Variants in DNAH5 observed in about 807,000 individuals in gnomAD.
DNAH5 encodes dynein axonemal heavy chain 5.
In DNAH5, 372 loss-of-function variants were observed where a neutral mutation model predicts 518.2. That is an observed-to-expected ratio of 0.72 (90% CI 0.66 to 0.78). The LOEUF is 0.78. DNAH5 is among the 30% of genes least tolerant of loss of function. The pLI is 0.00. For missense variants in DNAH5, 5,523 were observed against 5,687.0 expected (o/e 0.97, Z 0.93); for synonymous variants, 2,039 against 2,025.9 (o/e 1.01, Z -0.17).
chr5:13,954,740 C>T (rs931877205), intron 1 of DNAH5, among the ~76,000 whole-genome samples: 6 of 152,174 alleles, frequency 3.9e-5, no homozygotes, highest in African/African-American at 1.4e-4. Flanking sequence ...CAGTGTTTCC[C>T]CGTTGCCCAT....
At chr5:13,915,900 A>C (rs1382711908) in intron 9 of DNAH5, among the ~76,000 whole-genome samples, 1 of 152,148 alleles carries the variant, frequency 6.6e-6, no homozygotes, top group Non-Finnish European at 1.5e-5. Context: ...AGAACATTGC[A>C]AGTGGCTTTT....
At position 13,781,780 on chromosome 5, in the gene DNAH5, G is replaced by A. The variant is rs370769726; in HGVS notation, c.8821-821C>T. On this transcript the variant is annotated intron_variant, in intron 52 of 78. Transcript: ENST00000265104. ...TTGGGTATGTCTTTATCAGCAGCAT[G>A]AAAACGAACTAATACATATGGTATA... is the stretch of plus-strand genomic sequence containing the variant. Among the ~76,000 whole-genome samples, 16 of 152,134 alleles carry A rather than the reference G, an allele frequency of 1.1e-4. No individual in the cohort carries two copies. In the South Asian group the frequency reaches 2.1e-3, roughly 20 times the overall value.
chr5:13,828,929 G>A (rs929576754), intron 38 of DNAH5, among the ~76,000 whole-genome samples: 2 of 152,176 alleles, frequency 1.3e-5, no homozygotes, highest in Non-Finnish European at 2.9e-5. Context: ...AGTAATAAAT[G>A]TACGTTGTTA....
intron 78 of DNAH5, 101 bp from the exon 79 acceptor site, chr5:13,692,236 A>T: frequency 7.4e-7 from 1 of 1,350,108 alleles, no homozygotes; most frequent in Non-Finnish European, 1.0e-6. Flanking sequence ...CATTTCAAAA[A>T]CAGATGGGTT....
chr5:13,929,966 T>C (rs1461148541), intron 2 of DNAH5, among the ~76,000 whole-genome samples: 1 of 152,164 alleles, frequency 6.6e-6, no homozygotes, highest in South Asian at 2.1e-4. Context: ...ATCTACCTCC[T>C]GGTATTATGA....
chr5:13,727,785 T>G, intron 69 of DNAH5, 129 bp from the exon 70 acceptor site: 1 of 1,019,060 alleles, frequency 9.8e-7, no homozygotes, highest in South Asian at 1.5e-5. Flanking sequence ...GGCTATTTTT[T>G]TATTTTATAT....
At chr5:13,865,151 T>A (rs7736166) in intron 27 of DNAH5, among the ~76,000 whole-genome samples, 1 of 151,326 alleles carries the variant, frequency 6.6e-6, no homozygotes, top group South Asian at 2.1e-4. Flanking sequence ...CGTGCCGCCA[T>A]GCCCAGCTAA....
chr5:13,724,747 G>A (rs1190186136), intron 70 of DNAH5, among the ~76,000 whole-genome samples: 1 of 152,146 alleles, frequency 6.6e-6, no homozygotes, highest in African/African-American at 2.4e-5. Flanking sequence ...AGATCTGGTT[G>A]TTTAAAAGTA....
chr5:13,782,731 T>C (rs1755365849), intron 52 of DNAH5, among the ~76,000 whole-genome samples: 1 of 152,198 alleles, frequency 6.6e-6, no homozygotes, highest in Admixed American at 6.5e-5. Flanking sequence ...GCCAAGGTCT[T>C]ACATTAAAAC....
intron 37 of DNAH5, 33 bp from the exon 38 acceptor site, chr5:13,829,737 T>G: frequency 6.3e-7 from 1 of 1,585,670 alleles, no homozygotes; most frequent in Non-Finnish European, 8.7e-7. Flanking sequence ...GGATGAATGA[T>G]GCAATCAAGC....
intron 43 of DNAH5, 33 bp from the exon 44 acceptor site, chr5:13,811,856 C>G (rs1226217591): frequency 6.2e-6 from 10 of 1,608,822 alleles, no homozygotes; most frequent in Non-Finnish European, 8.5e-6. Flanking sequence ...ATTCATGAAA[C>G]TTATTAGCAC....
At chr5:13,892,217 T>C (rs967171203) in intron 16 of DNAH5, among the ~76,000 whole-genome samples, 4 of 152,242 alleles carry the variant, frequency 2.6e-5, no homozygotes, top group African/African-American at 9.6e-5. Context: ...TAAGTATGTG[T>C]GAGCAATAAA....
intron 19 of DNAH5, among the ~76,000 whole-genome samples, chr5:13,884,608 G>T (rs556450114): frequency 6.6e-6 from 1 of 152,228 alleles, no homozygotes; most frequent in African/African-American, 2.4e-5. Flanking sequence ...AGGCCGGGGC[G>T]GGCGGATCAC....
rs763972246 is a variant in DNAH5 at position 13,883,083 on chromosome 5, C to A, written c.2995G>T (p.Ala999Ser). Reference sequence around the variant, plus strand: ...AAACTGTTCTGCTTCATGTTAGAGGCACTGTTACTGTCTGAGTTAACCCAA... The same window carrying A: ...AAACTGTTCTGCTTCATGTTAGAGGAACTGTTACTGTCTGAGTTAACCCAA... ...HTINFRDSNSASNMKQNSLPI... is the reference protein window; with the variant it reads ...HTINFRDSNSSSNMKQNSLPI... Residue 999 changes from alanine (A) to serine (S), a missense_variant, in exon 20 of 79, where the codon GCC (alanine) becomes TCC (serine). Ala to Ser is a moderately conservative substitution (Grantham distance 99). Around this residue, in one of 3 missense-constraint regions of DNAH5, gnomAD observed 5,121 missense variants for 5,223.3 expected, o/e 0.98. Transcript: ENST00000265104. The A allele has an allele frequency of 5.0e-6, 8 of 1,613,760 alleles. No homozygotes were observed. In the Admixed American group the frequency reaches 8.3e-5, roughly 17 times the overall value.
intron 1 of DNAH5, among the ~76,000 whole-genome samples, chr5:14,005,135 C>T (rs868672487): frequency 6.6e-6 from 1 of 152,296 alleles, no homozygotes; most frequent in African/African-American, 2.4e-5. Flanking sequence ...CTCAGTCCCC[C>T]ACCAGTGGCA....
intron 7 of DNAH5, among the ~76,000 whole-genome samples, chr5:13,917,955 CT>C (rs1776820176): frequency 6.6e-6 from 1 of 152,180 alleles, no homozygotes; most frequent in Non-Finnish European, 1.5e-5. Flanking sequence ...AACAAACAGT[CT>C]TTCCAGCACC....
At chr5:13,854,009 G>T (rs1385323419) in intron 30 of DNAH5, among the ~76,000 whole-genome samples, 1 of 152,006 alleles carries the variant, frequency 6.6e-6, no homozygotes, top group African/African-American at 2.4e-5. Flanking sequence ...TTCAAATTCA[G>T]GAAATACAGA....
chr5:13,844,655 T>C (rs1018306393), intron 32 of DNAH5, among the ~76,000 whole-genome samples, 182 bp downstream of exon 32: 4 of 152,054 alleles, frequency 2.6e-5, no homozygotes, highest in Non-Finnish European at 4.4e-5. Context: ...ACACTTTGGA[T>C]AGTAAGAAAT....
At chr5:13,993,812 C>T (rs1364563259) in intron 1 of DNAH5, among the ~76,000 whole-genome samples, 1 of 152,164 alleles carries the variant, frequency 6.6e-6, no homozygotes, top group Non-Finnish European at 1.5e-5. Flanking sequence ...TTAATCTGAC[C>T]CAAACACACA....
Sources: allele counts gnomAD v4.1 joint callset (sites outside exome capture counted in the v4.1 genomes callset), GRCh38; gene constraint gnomAD v4.1.1; regional missense constraint gnomAD v4.1.1; transcripts MANE v1.5; gene names NCBI Gene and HGNC (gene_info 2026-07-23, HGNC 2026-07-21).